The following OSBPL11 variants were observed in gnomAD, a reference collection of about 807,000 sequenced individuals.
OSBPL11 encodes the protein oxysterol binding protein like 11.
In OSBPL11, 33 loss-of-function variants were observed where a neutral mutation model predicts 84.4. The observed-to-expected ratio is 0.39, with a 90% CI of 0.30 to 0.52. The LOEUF is 0.52. OSBPL11 is among the 20% of genes least tolerant of loss of function. OSBPL11 has a pLI of 0.72. For synonymous variants in OSBPL11, 276 were observed against 310.2 expected (o/e 0.89, Z 1.16); for missense variants, 736 against 901.1 (o/e 0.82, Z 2.35).
rs779941418 is a variant in OSBPL11, at chr3:125,575,711, A to T, written c.666+478T>A. ...CCCCCAGCTAAAATTAAAAAAAAAA[A>T]TTTTTTTTAGAGACGGGGTCTGGCT... On this transcript the variant is annotated intron_variant, in intron 5 of 12. Transcript: ENST00000296220. Among the ~76,000 whole-genome samples the T allele has an allele frequency of 3.3e-3, 449 of 135,912 alleles. 1 individual carries two copies. Among genetic ancestry groups the T allele is most frequent in the Non-Finnish European group, 5.1e-3 (319 of 62,552 alleles). The allele number at this position is 135,912 out of a possible 152,430, so 89.2% of individuals were successfully genotyped here. A position where few individuals can be genotyped will look rare whatever the true frequency, so the allele number is the denominator to read the frequency against.
At chr3:125,530,983 CCTTTTTTTTTT>C (rs1483374099) in intron 12 of OSBPL11, among the ~76,000 whole-genome samples, 3 of 99,018 alleles carry the variant, frequency 3.0e-5, no homozygotes, top group Non-Finnish European at 5.5e-5. Flanking sequence ...TTTTTTCTTT[CCTTTTTTTTTT>C]CCCCCAAGAC....
At chr3:125,532,164 T>TA in intron 11 of OSBPL11, 150 bp from the exon 12 acceptor site, 1 of 737,570 alleles carries the variant, frequency 1.4e-6, no homozygotes, top group Non-Finnish European at 2.1e-6. Flanking sequence ...AGAATAACGA[T>TA]ACTGTGCTGC....
intron 10 of OSBPL11, among the ~76,000 whole-genome samples, chr3:125,542,165 C>CAGAAA (rs748098494): frequency 5.3e-5 from 8 of 152,174 alleles, no homozygotes; most frequent in Non-Finnish European, 7.3e-5. Flanking sequence ...CAGCATGTAA[C>CAGAAA]AGAAACAGAC....
chr3:125,578,425 GA>G (rs1178017213), intron 4 of OSBPL11, among the ~76,000 whole-genome samples: 19 of 152,100 alleles, frequency 1.2e-4, no homozygotes, highest in African/African-American at 3.9e-4. Context: ...TTTTGTGGGA[GA>G]GATGACAATG....
At position 125,538,593 on chromosome 3, in the gene OSBPL11, CCA is replaced by C. The variant is rs1479578640; in HGVS notation, c.1880_1881del (p.Val627GlyfsTer10). On this transcript the variant is annotated frameshift_variant, in exon 11 of 13. Transcript: ENST00000296220. LOFTEE classifies it high-confidence loss of function. ...TTCCATTCCCCTTGCACTCTGCATA[CCA>C]CAGTGTTGGTGATGTTGTGCTTTAC... ...AEVKHNITNT[V>X]VCRVQGEWNS... The C allele has an allele frequency of 1.2e-6, 2 of 1,613,006 alleles. No individual in the cohort carries two copies. The highest frequency in any genetic ancestry group is 1.7e-6 in the Non-Finnish European group (2 of 1,179,568).
chr3:125,546,122 TAA>T (rs769745638), intron 10 of OSBPL11, among the ~76,000 whole-genome samples: 25 of 134,172 alleles, frequency 1.9e-4, no homozygotes, highest in Non-Finnish European at 2.7e-4. Flanking sequence ...TCCTGTCTCT[TAA>T]AAAAAAAAAA....
intron 7 of OSBPL11, among the ~76,000 whole-genome samples, chr3:125,562,189 T>C (rs1053962539): frequency 6.6e-6 from 1 of 152,180 alleles, no homozygotes; most frequent in Non-Finnish European, 1.5e-5. Context: ...ATAGCCTACA[T>C]GGTATCAATT....
intron 8 of OSBPL11, among the ~76,000 whole-genome samples, chr3:125,555,926 G>T (rs1260184395): frequency 6.6e-6 from 1 of 152,092 alleles, no homozygotes; most frequent in African/African-American, 2.4e-5. Context: ...CAAGTGATCT[G>T]CCTGCTTTGG....
At chr3:125,573,656 G>A (rs748573057) in intron 5 of OSBPL11, among the ~76,000 whole-genome samples, 2 of 151,630 alleles carry the variant, frequency 1.3e-5, no homozygotes, top group African/African-American at 2.4e-5. Flanking sequence ...TGAGGTCAAG[G>A]GTTCAAAACC....
chr3:125,546,242 C>T (rs565198296), intron 10 of OSBPL11, among the ~76,000 whole-genome samples: 15 of 150,416 alleles, frequency 1.0e-4, no homozygotes, highest in African/African-American at 1.7e-4. Flanking sequence ...GGCACAATCA[C>T]GGCTCATTGC....
At chr3:125,576,073 A>T in intron 5 of OSBPL11, 116 bp downstream of exon 5, 1 of 876,870 alleles carries the variant, frequency 1.1e-6, no homozygotes, top group Non-Finnish European at 1.8e-6. Context: ...TCAGCATACT[A>T]GATAGGAAAC....
At chr3:125,542,253 A>G (rs1222853880) in intron 10 of OSBPL11, among the ~76,000 whole-genome samples, 1 of 152,206 alleles carries the variant, frequency 6.6e-6, no homozygotes, top group East Asian at 1.9e-4. Context: ...ACCGTAAGAA[A>G]GGTATATTTA....
At chr3:125,584,389 C>A (rs1429952534) in intron 1 of OSBPL11, among the ~76,000 whole-genome samples, 1 of 151,976 alleles carries the variant, frequency 6.6e-6, no homozygotes, top group Non-Finnish European at 1.5e-5. Context: ...AATAAAAAAA[C>A]AGAAAAACTT....
At chr3:125,575,515 C>T (rs569177184) in intron 5 of OSBPL11, among the ~76,000 whole-genome samples, 7 of 151,228 alleles carry the variant, frequency 4.6e-5, no homozygotes, top group South Asian at 4.2e-4. Flanking sequence ...GATAAGACAC[C>T]GCGACCTACC....
chr3:125,558,145 T>G (rs1427729584), intron 8 of OSBPL11, among the ~76,000 whole-genome samples: 1 of 152,236 alleles, frequency 6.6e-6, no homozygotes, highest in Non-Finnish European at 1.5e-5. Flanking sequence ...GTATAGTATA[T>G]GCACTTATTC....
intron 9 of OSBPL11, among the ~76,000 whole-genome samples, chr3:125,549,612 C>T (rs1580044595): frequency 6.6e-6 from 1 of 152,028 alleles, no homozygotes; most frequent in Admixed American, 6.6e-5. Context: ...CTCCCAAGTA[C>T]CTGAGATTAT....
intron 10 of OSBPL11, 89 bp from the exon 11 acceptor site, chr3:125,538,722 A>G (rs548346956): frequency 1.6e-6 from 2 of 1,214,576 alleles, no homozygotes; most frequent in Non-Finnish European, 2.3e-6. Flanking sequence ...CAGCCTGTGA[A>G]TCCTGTTGAA....
At chr3:125,574,560 G>C (rs1175526706) in intron 5 of OSBPL11, among the ~76,000 whole-genome samples, 1 of 150,378 alleles carries the variant, frequency 6.6e-6, no homozygotes, top group African/African-American at 2.5e-5. Context: ...ATTCAGGTTT[G>C]GGGAATGAGG....
chr3:125,574,554 A>C (rs899517022), intron 5 of OSBPL11, among the ~76,000 whole-genome samples: 1 of 150,618 alleles, frequency 6.6e-6, no homozygotes, highest in African/African-American at 2.4e-5. Context: ...ATGGAGATTC[A>C]GGTTTGGGGA....
Sources: allele counts gnomAD v4.1 joint callset (sites outside exome capture counted in the v4.1 genomes callset), GRCh38; gene constraint gnomAD v4.1.1; transcripts MANE v1.5; gene names NCBI Gene and HGNC (gene_info 2026-07-23, HGNC 2026-07-21).